Variants in ACP7 observed in about 807,000 individuals in gnomAD.
ACP7 encodes the protein acid phosphatase type 7.
A neutral mutation model predicts 60.6 loss-of-function variants in ACP7; 58 were observed. That is an observed-to-expected ratio of 0.96 (90% CI 0.77 to 1.19). ACP7 has a LOEUF of 1.19. Ranked by LOEUF, ACP7 falls within the 50% of genes most tolerant of loss-of-function variation. The pLI is 0.00. For missense variants in ACP7, 574 were observed against 596.2 expected, an observed-to-expected ratio of 0.96 and a Z score of 0.39; for synonymous variants, 237 against 232.6, an observed-to-expected ratio of 1.02 and a Z score of -0.17.
chr19:39,105,116 A>T (rs1279180962), intron 11 of ACP7, among the ~76,000 whole-genome samples: 1 of 151,570 alleles, frequency 6.6e-6, no homozygotes, highest in East Asian at 2.0e-4. Flanking sequence ...CCCAGGCTCA[A>T]GCGATTCTCC....
Position 39,085,112 on chromosome 19 carries a change from T to C in ACP7, c.-158T>C. Reference sequence around the variant, plus strand: ...TCCAGCACCTGGATAACCACCCATCTTGAAGGAGACCTCCCTGCCCTGCCT... The same window carrying C: ...TCCAGCACCTGGATAACCACCCATCCTGAAGGAGACCTCCCTGCCCTGCCT... On this transcript the variant is annotated 5_prime_UTR_variant, in exon 2 of 13. Transcript: ENST00000331256. The C allele has an allele frequency of 1.1e-6, 1 of 940,474 alleles. No individual in the cohort carries two copies. Among genetic ancestry groups the C allele is most frequent in the Non-Finnish European group, 1.5e-6 (1 of 648,084 alleles). 58.3% of individuals were successfully genotyped at this position (940,474 alleles called of 1,614,324 possible). A position where few individuals can be genotyped will look rare whatever the true frequency, so the allele number is the denominator to read the frequency against.
chr19:39,096,095 A>G (rs1273018371), intron 2 of ACP7, among the ~76,000 whole-genome samples: 1 of 152,102 alleles, frequency 6.6e-6, no homozygotes, highest in African/African-American at 2.4e-5. Context: ...TATTTTCCCC[A>G]TTGTCTTGGG....
chr19:39,087,564 G>C (rs1021545211), intron 2 of ACP7, among the ~76,000 whole-genome samples: 4 of 151,490 alleles, frequency 2.6e-5, no homozygotes, highest in Non-Finnish European at 5.9e-5. Flanking sequence ...AGACTCAAGC[G>C]ATCCTCCCAC....
rs1411209712 is a variant in ACP7 at position 39,099,414 on chromosome 19, G to A, written c.505+272G>A. Among the ~76,000 whole-genome samples the A allele has an allele frequency of 2.0e-5, 3 of 152,294 alleles. No homozygotes were observed. In the East Asian group the frequency reaches 5.8e-4, roughly 29 times the overall value. On this transcript the variant is annotated intron_variant, in intron 4 of 12. Transcript: ENST00000331256. ...CCCGTATATTTTGATTAGAGAGAAA[G>A]CTGGTTCCGAGTTCGCAGGACTGTT...
rs1428231467 is a variant in ACP7, at chr19:39,100,870, C to G, written c.807+17C>G. 6.2e-7 allele frequency: 1 copy of G among 1,611,342 alleles called. No individual in the cohort carries two copies. On this transcript the variant is annotated intron_variant, in intron 7 of 12. Transcript: ENST00000331256. ...GACCTCCAGGTAACCTGGGTGGAGGCCCCTATAGTCCCCTGGCCAGCCCCA... is the reference window on the plus strand; with the variant it reads ...GACCTCCAGGTAACCTGGGTGGAGGGCCCTATAGTCCCCTGGCCAGCCCCA...
chr19:39,109,178 T>C (rs1020206589), intron 12 of ACP7, among the ~76,000 whole-genome samples: 2 of 152,136 alleles, frequency 1.3e-5, no homozygotes, highest in Non-Finnish European at 2.9e-5. Flanking sequence ...CTCTCCATTT[T>C]ATAGGTGAGG....
intron 11 of ACP7, among the ~76,000 whole-genome samples, chr19:39,103,322 G>C (rs7247444): frequency 0.52 from 79,636 of 151,864 alleles, 21,912 homozygotes; most frequent in East Asian, 0.64. Context: ...TCCAACATGA[G>C]TGTTATTTAT....
intron 2 of ACP7, among the ~76,000 whole-genome samples, chr19:39,097,033 C>A (rs1388703072): frequency 2.6e-5 from 4 of 152,202 alleles, no homozygotes; most frequent in Admixed American, 2.6e-4. Context: ...ATCTCCTGAC[C>A]TCGTGATCTG....
At chr19:39,093,143 C>CTTG (rs373399597) in intron 2 of ACP7, among the ~76,000 whole-genome samples, 1 of 104,568 alleles carries the variant, frequency 9.6e-6, no homozygotes, top group African/African-American at 3.8e-5. Context: ...TTCCCTCACT[C>CTTG]CTTTCTTTCT....
chr19:39,100,105 CTT>C, intron 4 of ACP7, 120 bp from the exon 5 acceptor site: 1 of 1,369,980 alleles, frequency 7.3e-7, no homozygotes, highest in Non-Finnish European at 9.9e-7. Context: ...AAGTGATACT[CTT>C]GCCTTGGCCT....
intron 2 of ACP7, among the ~76,000 whole-genome samples, chr19:39,090,319 C>T (rs2073189950): frequency 6.6e-6 from 1 of 151,984 alleles, no homozygotes; most frequent in Non-Finnish European, 1.5e-5. Flanking sequence ...CAGGCGCACG[C>T]TGCCATGCCT....
At chr19:39,106,186 C>T (rs1411885934) in intron 11 of ACP7, among the ~76,000 whole-genome samples, 6 of 152,184 alleles carry the variant, frequency 3.9e-5, no homozygotes, top group Non-Finnish European at 7.3e-5. Flanking sequence ...TTTCCCCAGG[C>T]GCTGTTGTTT....
At chr19:39,106,915 G>A (rs1163433528) in intron 11 of ACP7, 32 bp from the exon 12 acceptor site, 1 of 1,611,264 alleles carries the variant, frequency 6.2e-7, no homozygotes, top group Non-Finnish European at 8.5e-7. Flanking sequence ...TCCTCCACCT[G>A]CTCTGGGTCT....
Position 39,085,196 on chromosome 19 carries a change from C to G in ACP7, c.-74C>G. ...CTGTTCCCCATCCTCCCAGCCCTTC[C>G]TGCTGTACCTGTGGGGAGCTGATCT... On this transcript the variant is annotated 5_prime_UTR_variant, in exon 2 of 13. Coordinates refer to ENST00000331256, the MANE Select transcript of ACP7 (RefSeq NM_001004318.3). 6.5e-7 allele frequency: 1 copy of G among 1,527,206 alleles called. No individual in the cohort carries two copies. Among genetic ancestry groups the G allele is most frequent in the Non-Finnish European group, 8.8e-7 (1 of 1,132,576 alleles). The allele number at this position is 1,527,206 out of a possible 1,614,324, so 94.6% of individuals were successfully genotyped here.
chr19:39,085,954 A>G (rs1020226935), intron 2 of ACP7, among the ~76,000 whole-genome samples: 1 of 152,116 alleles, frequency 6.6e-6, no homozygotes, highest in African/African-American at 2.4e-5. Flanking sequence ...CTCTGTCCTC[A>G]GTCTCCTCAT....
At chr19:39,094,037 T>G (rs1202592999) in intron 2 of ACP7, among the ~76,000 whole-genome samples, 4 of 152,202 alleles carry the variant, frequency 2.6e-5, no homozygotes, top group Non-Finnish European at 4.4e-5. Flanking sequence ...CCTGAGCACA[T>G]GCATTTTTGT....
rs375027217 is a variant in ACP7, at chr19:39,089,737, C to G, written c.121+4347C>G. Among the ~76,000 whole-genome samples the G allele has an allele frequency of 9.9e-5, 15 of 152,268 alleles. No homozygotes were observed. The East Asian group carries it at 1.7e-3, about 18-fold the overall frequency. Reference sequence around the variant, plus strand: ...CGATCAGCTATTTTGTACAGTATCTCTCGTTTGGGATTTGTCTGATACTTT... The same window carrying G: ...CGATCAGCTATTTTGTACAGTATCTGTCGTTTGGGATTTGTCTGATACTTT... On this transcript the variant is annotated intron_variant, in intron 2 of 12. Transcript: ENST00000331256.
At chr19:39,085,670 C>T (rs1459802251) in intron 2 of ACP7, among the ~76,000 whole-genome samples, 1 of 152,210 alleles carries the variant, frequency 6.6e-6, no homozygotes, top group Non-Finnish European at 1.5e-5. Context: ...TTTCCGGGAC[C>T]TGGCACGTTT....
At chr19:39,093,141 C>T (rs1451500677) in intron 2 of ACP7, among the ~76,000 whole-genome samples, 1,519 of 25,264 alleles carry the variant, frequency 0.06, 88 homozygotes, top group African/African-American at 0.28. Context: ...TCTTCCCTCA[C>T]TCCTTTCTTT....
Sources: gnomAD v4.1 joint callset for allele counts (sites outside exome capture counted in the v4.1 genomes callset) on GRCh38, gnomAD v4.1.1 for gene constraint, MANE v1.5 for transcripts, NCBI Gene and HGNC (gene_info 2026-07-23, HGNC 2026-07-21) for gene names.